The following AHR variants were observed in gnomAD, a reference collection of about 807,000 sequenced individuals.
The protein encoded by AHR is AH-receptor.
In AHR, 40 loss-of-function variants were observed where a neutral mutation model predicts 86.8. That is an observed-to-expected ratio of 0.46 (90% CI 0.36 to 0.60). The LOEUF is 0.60. AHR is among the 20% of genes least tolerant of loss of function. The probability of loss-of-function intolerance (pLI) is 0.00; values close to 1 mark genes in which losing one functional copy is unlikely to be tolerated. For missense variants in AHR, 1,001 were observed against 1,011.6 expected, an observed-to-expected ratio of 0.99 and a Z score of 0.14; for synonymous variants, 398 against 354.9, an observed-to-expected ratio of 1.12 and a Z score of -1.37.
intron 10 of AHR, among the ~76,000 whole-genome samples, chr7:17,342,200 CTG>C (rs1782433607): frequency 1.3e-4 from 20 of 152,082 alleles, no homozygotes; most frequent in Admixed American, 1.2e-3. Flanking sequence ...TATAAAGGCT[CTG>C]TAATCTATAA....
At position 17,330,849 on chromosome 7, in the gene AHR, G is replaced by A. The variant is rs781141998; in HGVS notation, c.668G>A (p.Arg223His). 1.3e-5 allele frequency: 21 copies of A among 1,612,164 alleles called. No homozygotes were observed. Among genetic ancestry groups the A allele is most frequent in the Non-Finnish European group, 1.7e-5 (20 of 1,178,756 alleles). The part of the protein sequence containing the change: ...SPLMERCFIC[R>H]LRCLLDNSSG... ...TTAATGGAGAGGTGCTTCATATGTC[G>A]TCTAAGGTGTCTGCTGGATAATTCA... is the stretch of plus-strand genomic sequence containing the variant. The change falls in exon 6 of 11, where the codon CGT (arginine) becomes CAT (histidine). Residue 223 changes from arginine (R) to histidine (H), a missense_variant. Transcript: ENST00000242057.
At chr7:17,317,381 T>C (rs1327487612) in intron 2 of AHR, among the ~76,000 whole-genome samples, 1 of 152,134 alleles carries the variant, frequency 6.6e-6, no homozygotes, top group Non-Finnish European at 1.5e-5. Flanking sequence ...TTTTGGGCAT[T>C]GTATGCTACT....
intron 2 of AHR, among the ~76,000 whole-genome samples, chr7:17,310,416 C>T (rs145647804): frequency 6.6e-6 from 1 of 151,700 alleles, no homozygotes; most frequent in African/African-American, 2.4e-5. Flanking sequence ...CCTTCTACTT[C>T]AATATTTAAA....
intron 10 of AHR, 117 bp downstream of exon 10, chr7:17,340,345 C>A: frequency 1.5e-6 from 2 of 1,324,722 alleles, no homozygotes; most frequent in Non-Finnish European, 2.0e-6. Flanking sequence ...TTCATGGAGA[C>A]AGCATTTTTT....
At chr7:17,335,535 G>A in intron 8 of AHR, 110 bp from the exon 9 acceptor site, 1 of 850,810 alleles carries the variant, frequency 1.2e-6, no homozygotes, top group Non-Finnish European at 1.7e-6. Context: ...ATTGTCTTTG[G>A]GGATAAAGGA....
intron 8 of AHR, 64 bp from the exon 9 acceptor site, chr7:17,335,581 T>C: frequency 7.3e-7 from 1 of 1,378,984 alleles, no homozygotes; most frequent in Non-Finnish European, 9.7e-7. Context: ...AGCTTTGTTT[T>C]AGGAATAATC....
chr7:17,343,498 T>C lies in AHR; in HGVS notation c.*434T>C, dbSNP rs1472196183. 2 of 166,138 alleles carry C rather than the reference T, an allele frequency of 1.2e-5. No individual in the cohort carries two copies. The highest frequency in any genetic ancestry group is 2.6e-5 in the Non-Finnish European group (2 of 77,720). The allele number at this position is 166,138 out of a possible 1,614,324, so 10.3% of individuals were successfully genotyped here. On this transcript the variant is annotated 3_prime_UTR_variant, in exon 11 of 11. Transcript: ENST00000242057. ...TACAAAGTTAGAGAACTAAACTAGT[T>C]TTTCCTATCATGTTAACCTCTGCTT...
chr7:17,322,804 C>T (rs1782188439), intron 3 of AHR, among the ~76,000 whole-genome samples, 197 bp downstream of exon 3: 1 of 152,040 alleles, frequency 6.6e-6, no homozygotes, highest in African/African-American at 2.4e-5. Context: ...AATGATGTTT[C>T]AGTTAACAAC....
chr7:17,339,457 A>G lies in AHR; in HGVS notation c.1632A>G (p.Lys544=). The change falls in exon 10 of 11, where the codon AAA becomes AAG. Residue 544 remains lysine, a synonymous_variant. Coordinates refer to ENST00000242057, the MANE Select transcript of AHR (RefSeq NM_001621.5). The part of the protein sequence containing the change: ...SKNSDLYSIM[K]NLGIDFEDIR... ...ACAGTGACTTGTACAGCATAATGAA[A>G]AACCTAGGCATTGATTTTGAAGACA... 1.9e-6 allele frequency: 3 copies of G among 1,614,172 alleles called. No individual in the cohort carries two copies. Among genetic ancestry groups the G allele is most frequent in the African/African-American group, 1.3e-5 (1 of 75,050 alleles).
intron 6 of AHR, among the ~76,000 whole-genome samples, chr7:17,332,917 T>C (rs1196809385): frequency 6.6e-6 from 1 of 152,020 alleles, no homozygotes; most frequent in Non-Finnish European, 1.5e-5. Context: ...CTACCTTGTT[T>C]ACAATAAGTG....
chr7:17,302,202 G>A (rs1156792758), intron 1 of AHR, among the ~76,000 whole-genome samples: 1 of 144,586 alleles, frequency 6.9e-6, no homozygotes, highest in Non-Finnish European at 1.5e-5. Flanking sequence ...AATAGGTGTT[G>A]AGAAAAGGGG....
Position 17,334,111 on chromosome 7 carries a change from C to T in AHR, c.905C>T (p.Ala302Val). 2 of 1,610,892 alleles carry T rather than the reference C, an allele frequency of 1.2e-6. No individual in the cohort carries two copies. Among genetic ancestry groups the T allele is most frequent in the Non-Finnish European group, 1.7e-6 (2 of 1,177,414 alleles). Residue 302 changes from alanine (A) to valine (V), a missense_variant, in exon 7 of 11, where the codon GCC becomes GTC. Ala to Val is a moderately conservative substitution (Grantham distance 64). Transcript: ENST00000242057. ...KLDFTPIGCD[A>V]KGRIVLGYTE... Reference sequence around the variant, plus strand: ...GACTTCACACCTATTGGTTGTGATGCCAAGTAAGTGAGACTTTTTCACTTT... The same window carrying T: ...GACTTCACACCTATTGGTTGTGATGTCAAGTAAGTGAGACTTTTTCACTTT...
intron 3 of AHR, among the ~76,000 whole-genome samples, chr7:17,326,670 T>TTTGAA (rs1352315005): frequency 6.6e-6 from 1 of 152,108 alleles, no homozygotes; most frequent in Non-Finnish European, 1.5e-5. Context: ...AGTGCCAGTT[T>TTTGAA]TTGAAATAAC....
intron 1 of AHR, among the ~76,000 whole-genome samples, chr7:17,306,312 A>C (rs1782004918): frequency 6.6e-6 from 1 of 152,200 alleles, no homozygotes; most frequent in Non-Finnish European, 1.5e-5. Flanking sequence ...TAGATATTAA[A>C]TATTTTAACA....
Position 17,340,207 on chromosome 7 carries a change from C to A in AHR, c.2382C>A (p.Gly794=). The A allele has an allele frequency of 6.2e-7, 1 of 1,607,466 alleles. No homozygotes were observed. Among genetic ancestry groups the A allele is most frequent in the Non-Finnish European group, 8.5e-7 (1 of 1,176,118 alleles). Residue 794 remains glycine, a synonymous_variant, in exon 10 of 11, where the codon GGC becomes GGA. Coordinates refer to ENST00000242057, the MANE Select transcript of AHR (RefSeq NM_001621.5). ...GQMQYNPVLP[G]QQAFLNKFQN... Reference sequence around the variant, plus strand: ...TGCAGTACAATCCAGTACTGCCAGGCCAACAGGCATTTTTAAACAAGGTAA... The same window carrying A: ...TGCAGTACAATCCAGTACTGCCAGGACAACAGGCATTTTTAAACAAGGTAA...
intron 1 of AHR, among the ~76,000 whole-genome samples, chr7:17,303,520 C>G (rs755137132): frequency 1.3e-5 from 2 of 151,978 alleles, no homozygotes; most frequent in African/African-American, 2.4e-5. Flanking sequence ...TTTTTACGTC[C>G]TTTCCTCTTA....
At chr7:17,338,960 T>A (rs1218445261) in intron 9 of AHR, 26 bp from the exon 10 acceptor site, 2 of 1,526,058 alleles carry the variant, frequency 1.3e-6, no homozygotes, top group Non-Finnish European at 1.8e-6. Context: ...AATTTTTTTC[T>A]AAGACTTTTT....
At chr7:17,341,855 T>C (rs1417497870) in intron 10 of AHR, among the ~76,000 whole-genome samples, 1 of 152,154 alleles carries the variant, frequency 6.6e-6, no homozygotes, top group Non-Finnish European at 1.5e-5. Context: ...TATATTTCTA[T>C]TGGATTACAC....
chr7:17,338,950 A>C (rs773544650), intron 9 of AHR, 36 bp from the exon 10 acceptor site: 6 of 1,484,850 alleles, frequency 4.0e-6, no homozygotes, highest in Non-Finnish European at 5.4e-6. Flanking sequence ...TGTTTGATAG[A>C]ATTTTTTTCT....
Sources: gnomAD v4.1 joint callset for allele counts (sites outside exome capture counted in the v4.1 genomes callset) on GRCh38, gnomAD v4.1.1 for gene constraint, MANE v1.5 for transcripts, NCBI Gene and HGNC (gene_info 2026-07-23, HGNC 2026-07-21) for gene names.